The following CAMK2B variants were observed in gnomAD, a reference collection of about 807,000 sequenced individuals.
CAMK2B encodes calcium/calmodulin-dependent protein kinase type II subunit beta.
CAMK2B carries 27 observed loss-of-function variants against 93.7 expected under a neutral mutation model. That is an observed-to-expected ratio of 0.29 (90% CI 0.21 to 0.40). CAMK2B has a LOEUF of 0.40. Among genes scored for constraint, CAMK2B ranks in the 10% least tolerant of loss-of-function variants. The pLI is 1.00. For missense variants in CAMK2B, 568 were observed against 895.8 expected (o/e 0.63, Z 4.67); for synonymous variants, 374 against 358.8 (o/e 1.04, Z -0.48).
intron 23 of CAMK2B, chr7:44,219,747 G>A (rs935603825): frequency 2.3e-5 from 10 of 440,756 alleles, no homozygotes; most frequent in Non-Finnish European, 4.0e-5. Flanking sequence ...GGCTCTAACA[G>A]TCCTCACAAA....
Position 44,282,063 on chromosome 7 carries a change from C to T in CAMK2B, c.160+2068G>A, listed in dbSNP as rs948666955. Among the ~76,000 whole-genome samples the T allele has an allele frequency of 3.3e-5, 5 of 152,320 alleles. No homozygotes were observed. In the East Asian group the frequency reaches 5.8e-4, roughly 18 times the overall value. On this transcript the variant is annotated intron_variant, in intron 2 of 23. Transcript: ENST00000395749. The stretch of plus-strand genomic sequence containing the variant: ...ACATGCACCTACACATGCATGTGCA[C>T]GTAGACACGTGTGTGAACATGCACA...
intron 20 of CAMK2B, among the ~76,000 whole-genome samples, chr7:44,221,465 C>T (rs552301891): frequency 1.3e-4 from 20 of 149,934 alleles, no homozygotes; most frequent in South Asian, 1.2e-3. Context: ...ACCCGGAGGC[C>T]GGGGAGGAGG....
intron 1 of CAMK2B, among the ~76,000 whole-genome samples, chr7:44,324,587 C>G (rs1447283307): frequency 6.6e-6 from 1 of 152,250 alleles, no homozygotes; most frequent in Non-Finnish European, 1.5e-5. Context: ...TCAAACAAAC[C>G]TTCAAAGCCC....
rs577383730 is a variant in CAMK2B at position 44,309,367 on chromosome 7, C to G, written c.65+15990G>C. 5.9e-5 allele frequency among the ~76,000 whole-genome samples: 9 copies of G among 152,286 alleles called. No homozygotes were observed. The East Asian group carries it at 1.7e-3, about 29-fold the overall frequency. Reference sequence around the variant, plus strand: ...GGAGGGTTTAAGGCCACTGAGCTCTCAGGACGGCCCGAGTACCCGAGCTCT... The same window carrying G: ...GGAGGGTTTAAGGCCACTGAGCTCTGAGGACGGCCCGAGTACCCGAGCTCT... On this transcript the variant is annotated intron_variant, in intron 1 of 23. Coordinates refer to ENST00000395749, the MANE Select transcript of CAMK2B (RefSeq NM_001220.5).
chr7:44,258,783 C>T lies in CAMK2B; in HGVS notation c.275+89G>A, dbSNP rs879186225. ...GGAGTGGCCAGCCCACGGGTAGGGA[C>T]TATTCCCTGGGGCTGGGGAGGCTGC... On this transcript the variant is annotated intron_variant, in intron 4 of 23. Coordinates refer to ENST00000395749, the MANE Select transcript of CAMK2B (RefSeq NM_001220.5). 6 of 1,208,342 alleles carry T rather than the reference C, an allele frequency of 5.0e-6. No individual in the cohort carries two copies. In the South Asian group the frequency reaches 6.4e-5, roughly 13 times the overall value. 74.9% of individuals were successfully genotyped at this position (1,208,342 alleles called of 1,614,324 possible).
intron 1 of CAMK2B, among the ~76,000 whole-genome samples, chr7:44,284,566 A>C (rs1254136450): frequency 6.6e-6 from 1 of 152,184 alleles, no homozygotes; most frequent in Non-Finnish European, 1.5e-5. Context: ...TGTGACCTAC[A>C]GGCCTGTATC....
chr7:44,281,630 C>G (rs2097102977), intron 2 of CAMK2B, among the ~76,000 whole-genome samples: 1 of 152,072 alleles, frequency 6.6e-6, no homozygotes, highest in African/African-American at 2.4e-5. Flanking sequence ...GCGACATCTG[C>G]CCCCCAGCAC....
chr7:44,282,093 C>T (rs1047538570), intron 2 of CAMK2B, among the ~76,000 whole-genome samples: 2 of 152,216 alleles, frequency 1.3e-5, no homozygotes, highest in Non-Finnish European at 2.9e-5. Context: ...TGCACAGGTA[C>T]GCTCACGCAC....
In CAMK2B at chr7:44,263,006, G is replaced by A. The variant is rs371901503; in HGVS notation, c.219C>T (p.Ile73=). ...RICRLLKHSN[I]VRLHDSISEE... ...CGCTCCCTACCCCAGGCTGCTCACC[G>A]ATGTTGGAATGCTTCAGAAGGCGGC... Residue 73 remains isoleucine (I), a splice_region_variant and synonymous_variant, in exon 3 of 24, where the codon ATC becomes ATT. Coordinates refer to ENST00000395749, the MANE Select transcript of CAMK2B (RefSeq NM_001220.5). 9.3e-6 allele frequency: 15 copies of A among 1,612,934 alleles called. No individual in the cohort carries two copies. Among genetic ancestry groups the A allele is most frequent in the African/African-American group, 2.7e-5 (2 of 74,938 alleles).
At chr7:44,255,824 G>C (rs1454549274) in intron 4 of CAMK2B, among the ~76,000 whole-genome samples, 1 of 152,170 alleles carries the variant, frequency 6.6e-6, no homozygotes, top group African/African-American at 2.4e-5. Flanking sequence ...AGCATGTGTT[G>C]AATGTCGGCT....
chr7:44,320,818 ACC>A (rs1795885819), intron 1 of CAMK2B, among the ~76,000 whole-genome samples: 1 of 151,566 alleles, frequency 6.6e-6, no homozygotes, highest in Admixed American at 6.6e-5. Flanking sequence ...CACCCAACTC[ACC>A]CCTTCCCCAC....
chr7:44,226,736 G>A, intron 19 of CAMK2B, 92 bp from the exon 20 acceptor site: 1 of 1,068,290 alleles, frequency 9.4e-7, no homozygotes. Flanking sequence ...CAGAGATTGA[G>A]GGGCACAGAG....
intron 1 of CAMK2B, among the ~76,000 whole-genome samples, chr7:44,303,934 G>C (rs1790765577): frequency 6.6e-6 from 1 of 152,088 alleles, no homozygotes; most frequent in African/African-American, 2.4e-5. Flanking sequence ...ATGGGCAAAA[G>C]ATCTGAACAG....
chr7:44,254,538 C>T lies in CAMK2B; in HGVS notation c.341+4G>A, dbSNP rs1249823767. ...ACAGGACAGCGTGAGGGCTCTGCAC[C>T]CACCTGGCATCAGCCTCGCTGTAGT... On this transcript the variant is annotated splice_donor_region_variant and intron_variant, in intron 5 of 23. Transcript: ENST00000395749. 1 of 1,608,546 alleles carries T rather than the reference C, an allele frequency of 6.2e-7. No homozygotes were observed. The highest frequency in any genetic ancestry group is 8.5e-7 in the Non-Finnish European group (1 of 1,175,640).
rs1005592884 is a variant in CAMK2B, at chr7:44,263,936, C to G, written c.161-872G>C. 5 of 154,860 alleles carry G rather than the reference C, an allele frequency of 3.2e-5. No individual in the cohort carries two copies. The East Asian group carries it at 5.8e-4, about 18-fold the overall frequency. The allele number at this position is 154,860 out of a possible 1,614,324, so 9.6% of individuals were successfully genotyped here. On this transcript the variant is annotated intron_variant, in intron 2 of 23. Transcript: ENST00000395749. Reference sequence around the variant, plus strand: ...GGAGGGAACGAGCAGCAAAGGAGGACCCACAGTGTGCTCTTATTTACACAA... The same window carrying G: ...GGAGGGAACGAGCAGCAAAGGAGGAGCCACAGTGTGCTCTTATTTACACAA...
chr7:44,258,795 G>A, intron 4 of CAMK2B, 77 bp downstream of exon 4: 1 of 1,321,716 alleles, frequency 7.6e-7, no homozygotes, highest in Non-Finnish European at 1.1e-6. Context: ...ATTCCCTGGG[G>A]CTGGGGAGGC....
chr7:44,240,626 G>A, intron 12 of CAMK2B, 81 bp downstream of exon 12: 1 of 1,467,800 alleles, frequency 6.8e-7, no homozygotes, highest in African/African-American at 1.4e-5. Context: ...GAGTGGAGAG[G>A]CTGGTGAGGA....
chr7:44,234,439 T>G lies in CAMK2B; in HGVS notation c.1082A>C (p.Asn361Thr). 1 of 1,554,746 alleles carries G rather than the reference T, an allele frequency of 6.4e-7. No individual in the cohort carries two copies. The highest frequency in any genetic ancestry group is 8.7e-7 in the Non-Finnish European group (1 of 1,154,064). Reference protein sequence around the residue: ...GVKPQTNSTKNSAAATSPKGT... With the variant: ...GVKPQTNSTKTSAAATSPKGT... ...TTTGGGGCTGGTGGCGGCTGCACTG[T>G]TTTTGGTGCTATTCGTCTGGGGCTG... Residue 361 changes from asparagine (N) to threonine (T), a missense_variant, in exon 15 of 24, where the codon AAC becomes ACC. Physicochemically the swap from Asn to Thr is moderately conservative, Grantham distance 65. This residue lies in a region of CAMK2B where 308 missense variants were observed against 292.1 expected (regional missense o/e 1.05). Transcript: ENST00000395749.
At chr7:44,270,169 G>C (rs986176923) in intron 2 of CAMK2B, among the ~76,000 whole-genome samples, 1 of 151,752 alleles carries the variant, frequency 6.6e-6, no homozygotes, top group African/African-American at 2.4e-5. Flanking sequence ...TAGCACCAGC[G>C]CTCTCCACCC....
Sources: allele counts gnomAD v4.1 joint callset (sites outside exome capture counted in the v4.1 genomes callset), GRCh38; gene constraint gnomAD v4.1.1; regional missense constraint gnomAD v4.1.1; transcripts MANE v1.5; gene names NCBI Gene and HGNC (gene_info 2026-07-23, HGNC 2026-07-21).